Variants in KATNAL2 observed in about 807,000 individuals in gnomAD.
The protein encoded by KATNAL2 is katanin p60 ATPase-containing subunit A-like 2.
In KATNAL2, 52 loss-of-function variants were observed where a neutral mutation model predicts 76.3. That is an observed-to-expected ratio of 0.68 (90% confidence interval 0.55 to 0.86). KATNAL2 has a LOEUF of 0.86. Among genes scored for constraint, KATNAL2 ranks in the 40% least tolerant of loss-of-function variants. The pLI, the probability that KATNAL2 is intolerant of heterozygous loss-of-function variation, is 0.00. For synonymous variants in KATNAL2, 243 were observed against 244.2 expected (o/e 1.00, Z 0.05); for missense variants, 660 against 668.9 (o/e 0.99, Z 0.15).
intron 4 of KATNAL2, among the ~76,000 whole-genome samples, chr18:47,051,155 C>T (rs1163892306): frequency 1.3e-4 from 20 of 152,114 alleles, no homozygotes; most frequent in Non-Finnish European, 2.6e-4. Context: ...GAATCTCTAG[C>T]GGCTCCTCCT....
At chr18:47,031,454 G>T (rs1163055128) in intron 3 of KATNAL2, among the ~76,000 whole-genome samples, 11 of 152,126 alleles carry the variant, frequency 7.2e-5, no homozygotes, top group African/African-American at 2.7e-4. Context: ...GGGGCGGGGT[G>T]TGTTTCTTCT....
chr18:47,042,421 A>G lies in KATNAL2; in HGVS notation c.52-4036A>G, dbSNP rs189530514. Among the ~76,000 whole-genome samples the G allele has an allele frequency of 2.4e-4, 37 of 152,290 alleles. No homozygotes were observed. The East Asian group carries it at 7.2e-3, about 29-fold the overall frequency. On this transcript the variant is annotated intron_variant, in intron 3 of 17. Coordinates refer to ENST00000683218, the MANE Select transcript of KATNAL2 (RefSeq NM_001387690.1). ...ATCATCTTAAGCAATAAAACTTTCTATTTGAATTCTTTTGGATGGATATGT... is the reference window on the plus strand; with the variant it reads ...ATCATCTTAAGCAATAAAACTTTCTGTTTGAATTCTTTTGGATGGATATGT...
At chr18:47,073,726 C>T (rs1403013095) in intron 13 of KATNAL2, among the ~76,000 whole-genome samples, 1 of 152,182 alleles carries the variant, frequency 6.6e-6, no homozygotes, top group African/African-American at 2.4e-5. Context: ...CAAATGCATA[C>T]ATCTGTTGAT....
intron 1 of KATNAL2, among the ~76,000 whole-genome samples, chr18:46,938,222 C>G (rs2059147790): frequency 6.6e-6 from 1 of 152,080 alleles, no homozygotes; most frequent in Admixed American, 6.6e-5. Context: ...GTTATCTACT[C>G]TTTATATATG....
At chr18:46,942,251 A>G (rs1466248660) in intron 1 of KATNAL2, among the ~76,000 whole-genome samples, 1 of 152,168 alleles carries the variant, frequency 6.6e-6, no homozygotes, top group Non-Finnish European at 1.5e-5. Flanking sequence ...CTGTTACATT[A>G]CCAAGTTCAC....
intron 16 of KATNAL2, among the ~76,000 whole-genome samples, chr18:47,099,619 G>A (rs1305849613): frequency 6.6e-6 from 1 of 152,238 alleles, no homozygotes; most frequent in Non-Finnish European, 1.5e-5. Context: ...AGTGGAAACA[G>A]CATAGGGTTT....
intron 3 of KATNAL2, among the ~76,000 whole-genome samples, chr18:46,961,175 G>A (rs187865568): frequency 3.3e-5 from 5 of 152,008 alleles, no homozygotes; most frequent in Non-Finnish European, 1.5e-5. Context: ...TAACTACAAG[G>A]ACCAGGTGGT....
At chr18:46,927,065 G>C (rs1028380991) in intron 1 of KATNAL2, among the ~76,000 whole-genome samples, 1 of 152,130 alleles carries the variant, frequency 6.6e-6, no homozygotes, top group Non-Finnish European at 1.5e-5. Context: ...CTTTTAATTG[G>C]AGCATTTAGC....
At chr18:46,921,191 G>A (rs1415136981) in intron 1 of KATNAL2, among the ~76,000 whole-genome samples, 2 of 152,112 alleles carry the variant, frequency 1.3e-5, no homozygotes, top group African/African-American at 4.8e-5. Flanking sequence ...GCAGTGGCAC[G>A]ATCTCGGCTC....
chr18:46,955,822 G>A (rs1370892796), intron 3 of KATNAL2, among the ~76,000 whole-genome samples: 1 of 152,108 alleles, frequency 6.6e-6, no homozygotes, highest in Non-Finnish European at 1.5e-5. Flanking sequence ...CACAGTGCTG[G>A]GATTACAGGT....
chr18:46,952,601 A>G (rs2059596372), intron 3 of KATNAL2, among the ~76,000 whole-genome samples: 1 of 151,720 alleles, frequency 6.6e-6, no homozygotes, highest in Non-Finnish European at 1.5e-5. Context: ...AAGTTTAACC[A>G]TATTGGTCAG....
intron 1 of KATNAL2, among the ~76,000 whole-genome samples, chr18:46,942,400 A>G (rs1054902215): frequency 6.6e-6 from 1 of 152,162 alleles, no homozygotes; most frequent in Non-Finnish European, 1.5e-5. Flanking sequence ...GCGGATCACG[A>G]GGTCAGGAGA....
At chr18:47,083,349 C>A (rs1471497121) in intron 15 of KATNAL2, among the ~76,000 whole-genome samples, 1 of 152,196 alleles carries the variant, frequency 6.6e-6, no homozygotes, top group Admixed American at 6.5e-5. Flanking sequence ...GGGGAAATAA[C>A]TAAATCATAC....
intron 13 of KATNAL2, among the ~76,000 whole-genome samples, chr18:47,072,667 G>GATCT (rs2062048147): frequency 6.6e-6 from 1 of 151,980 alleles, no homozygotes; most frequent in African/African-American, 2.4e-5. Flanking sequence ...TTGAACTTTT[G>GATCT]GCCTCAAGCA....
At chr18:47,082,396 T>C (rs1181614679) in intron 15 of KATNAL2, among the ~76,000 whole-genome samples, 2 of 152,168 alleles carry the variant, frequency 1.3e-5, no homozygotes, top group African/African-American at 4.8e-5. Flanking sequence ...CACCCCCAGT[T>C]GAGGACCACT....
chr18:46,948,135 G>A (rs1384432367), intron 3 of KATNAL2, among the ~76,000 whole-genome samples: 1 of 152,156 alleles, frequency 6.6e-6, no homozygotes, highest in Non-Finnish European at 1.5e-5. Context: ...TTTGGAGACA[G>A]AGTCTTGCTC....
chr18:47,063,272 T>C lies in KATNAL2; in HGVS notation c.649-12T>C. On this transcript the variant is annotated splice_polypyrimidine_tract_variant and intron_variant, in intron 9 of 17. Transcript: ENST00000683218. Reference sequence around the variant, plus strand: ...AATATTGTAATGTGAGCCTTTCCGCTCCTCTCATCAGGAACGACTGCTGAA... The same window carrying C: ...AATATTGTAATGTGAGCCTTTCCGCCCCTCTCATCAGGAACGACTGCTGAA... The C allele has an allele frequency of 1.9e-6, 3 of 1,612,526 alleles. No homozygotes were observed. Among genetic ancestry groups the C allele is most frequent in the Non-Finnish European group, 2.5e-6 (3 of 1,179,178 alleles).
chr18:47,077,378 G>C lies in KATNAL2; in HGVS notation c.1128G>C (p.Met376Ile). Reference protein sequence around the residue: ...SGGEHEGSLRMKTELLVQMDG... With the variant: ...SGGEHEGSLRIKTELLVQMDG... ...GAGAACATGAAGGAAGCCTGCGGAT[G>C]AAGACAGAGTTACTGGTGCAGATGG... The change falls in exon 15 of 18, where the codon ATG becomes ATC. Residue 376 changes from methionine to isoleucine, a missense_variant. Physicochemically the swap from Met to Ile is conservative, Grantham distance 10 (BLOSUM62 1). Transcript: ENST00000683218. 1 of 1,613,930 alleles carries C rather than the reference G, an allele frequency of 6.2e-7. No individual in the cohort carries two copies. The highest frequency in any genetic ancestry group is 8.5e-7 in the Non-Finnish European group (1 of 1,179,806).
intron 13 of KATNAL2, among the ~76,000 whole-genome samples, chr18:47,071,953 CTTT>C (rs574265545): frequency 0.011 from 488 of 43,880 alleles, 71 homozygotes; most frequent in Middle Eastern, 0.033. Context: ...CCAATTTCTT[CTTT>C]TTTTTTTTTT....
Sources: allele counts gnomAD v4.1 joint callset (sites outside exome capture counted in the v4.1 genomes callset), GRCh38; gene constraint gnomAD v4.1.1; transcripts MANE v1.5; gene names NCBI Gene and HGNC (gene_info 2026-07-23, HGNC 2026-07-21).